The following LZTR1 variants were observed in gnomAD, a reference collection of about 807,000 sequenced individuals.
The protein encoded by LZTR1 is leucine zipper like post translational regulator 1, also known as leucine-zipper-like transcriptional regulator 1.
LZTR1 carries 260 observed loss-of-function variants against 105.7 expected under a neutral mutation model. The observed-to-expected ratio is 2.46, with a 90% CI of 2.22 to 2.72. The LOEUF is 2.72. Among genes scored for constraint, LZTR1 ranks in the 30% most tolerant of loss-of-function variants. LZTR1 has a pLI of 0.00. For synonymous variants in LZTR1, 490 were observed against 476.4 expected (o/e 1.03, Z -0.37); for missense variants, 1,214 against 1,166.9 (o/e 1.04, Z -0.59).
chr22:20,996,397 T>C, intron 18 of LZTR1: 2 of 593,714 alleles, frequency 3.4e-6, no homozygotes, highest in Non-Finnish European at 6.0e-6. Context: ...AGCACAGACA[T>C]GGAGGTACTC....
intron 7 of LZTR1, among the ~76,000 whole-genome samples, 161 bp downstream of exon 7, chr22:20,989,843 C>T (rs533696275): frequency 9.2e-5 from 14 of 152,202 alleles, no homozygotes; most frequent in Admixed American, 7.8e-4. Flanking sequence ...CTTTCTTCCC[C>T]TTGCAAAGCC....
At chr22:20,988,950 C>A in intron 6 of LZTR1, 78 bp downstream of exon 6, 1 of 1,317,142 alleles carries the variant, frequency 7.6e-7, no homozygotes, top group Non-Finnish European at 1.1e-6. Context: ...CATTTGAGGG[C>A]TTAGGCTGGG....
In LZTR1 at chr22:20,997,459, C is replaced by A; in HGVS notation, c.*111C>A. 3.5e-6 allele frequency: 3 copies of A among 860,178 alleles called. No individual in the cohort carries two copies. Among genetic ancestry groups the A allele is most frequent in the Non-Finnish European group, 5.7e-6 (3 of 525,682 alleles). 53.3% of individuals were successfully genotyped at this position (860,178 alleles called of 1,614,324 possible). ...ATGGCAGTGGGTGCACCTGCCAGGC[C>A]AAGGGTCAGGGTGCCCAGAGCCTCC... On this transcript the variant is annotated 3_prime_UTR_variant, in exon 21 of 21. Transcript: ENST00000646124.
At chr22:20,984,621 G>T (rs1229919132) in intron 2 of LZTR1, among the ~76,000 whole-genome samples, 2 of 150,548 alleles carry the variant, frequency 1.3e-5, no homozygotes, top group African/African-American at 4.9e-5. Flanking sequence ...GGAGGGGGGG[G>T]GGGCGGTATC....
At chr22:20,993,213 G>A in intron 11 of LZTR1, 1 of 441,236 alleles carries the variant, frequency 2.3e-6, no homozygotes, top group East Asian at 4.2e-5. Context: ...GCAGAGCCAG[G>A]GCCGACAGTG....
In LZTR1 at chr22:20,990,404, AT is replaced by A; in HGVS notation, c.671del (p.Ile224ThrfsTer28). ...CCTGCAGGTGGCCCAGAGTGGCGAG[AT>A]CCCCCCATCTTGCTGCAACTTCCCC... The part of the protein sequence containing the change: ...CWEEVAQSGE[I>X]PPSCCNFPVA... On this transcript the variant is annotated frameshift_variant, in exon 8 of 21. Coordinates refer to ENST00000646124, the MANE Select transcript of LZTR1 (RefSeq NM_006767.4). LOFTEE classifies it high-confidence loss of function. The A allele has an allele frequency of 6.2e-7, 1 of 1,614,050 alleles. No individual in the cohort carries two copies. Among genetic ancestry groups the A allele is most frequent in the Non-Finnish European group, 8.5e-7 (1 of 1,180,012 alleles).
rs1051446587 is a variant in LZTR1, at chr22:20,994,016, C to T, written c.1446C>T (p.Ala482=). The T allele has an allele frequency of 7.5e-6, 12 of 1,606,562 alleles. No individual in the cohort carries two copies. The highest frequency in any genetic ancestry group is 2.7e-5 in the African/African-American group (2 of 74,918). The change falls in exon 13 of 21, where the codon GCC becomes GCT. Residue 482 remains alanine (A), a synonymous_variant. Transcript: ENST00000646124. ...RKITQARERL[A]QKLEQEAAPV... is the part of the protein sequence containing the mutation. ...TCACGCAGGCGCGGGAGAGGCTGGC[C>T]CAGGTGAGGTGCCTAACCGCCCTGC...
At chr22:20,990,323 G>C (rs748467456) in intron 7 of LZTR1, 63 bp from the exon 8 acceptor site, 12 of 1,587,536 alleles carry the variant, frequency 7.6e-6, no homozygotes, top group Middle Eastern at 1.9e-4. Context: ...CAGCAGTCTC[G>C]AGTGTGGTGA....
intron 8 of LZTR1, chr22:20,991,267 C>T (rs1008144763): frequency 4.2e-6 from 1 of 237,634 alleles, no homozygotes; most frequent in African/African-American, 2.2e-5. Flanking sequence ...GATGCTCTGA[C>T]TGGGCAGCGT....
intron 4 of LZTR1, 104 bp from the exon 5 acceptor site, chr22:20,987,906 G>T: frequency 5.4e-6 from 4 of 747,412 alleles, no homozygotes; most frequent in Non-Finnish European, 9.4e-6. Context: ...AAGGAGTCCT[G>T]GCTTATGCAT....
intron 2 of LZTR1, among the ~76,000 whole-genome samples, chr22:20,983,936 A>G (rs910833934): frequency 5.9e-5 from 9 of 152,256 alleles, no homozygotes; most frequent in Admixed American, 5.9e-4. Context: ...TGCCTCTCTG[A>G]GTAAAAGCCC....
chr22:20,988,477 T>A (rs1295019044), intron 5 of LZTR1, among the ~76,000 whole-genome samples: 1 of 152,168 alleles, frequency 6.6e-6, no homozygotes, highest in Non-Finnish European at 1.5e-5. Flanking sequence ...CACAAAAAAA[T>A]GTTCAATAAG....
In LZTR1 at chr22:20,982,383, G is replaced by A. The variant is rs1486430273; in HGVS notation, c.12G>A (p.Pro4=). 2 of 1,555,190 alleles carry A rather than the reference G, an allele frequency of 1.3e-6. No homozygotes were observed. Among genetic ancestry groups the A allele is most frequent in the East Asian group, 2.4e-5 (1 of 41,526 alleles). Residue 4 remains proline (P), a synonymous_variant, in exon 1 of 21, where the codon CCG becomes CCA. Transcript: ENST00000646124. ...GGCGTGGACCCGGGATGGCTGGACCGGGCAGCACGGGGGGGCAGATCGGGG... is the reference window on the plus strand; with the variant it reads ...GGCGTGGACCCGGGATGGCTGGACCAGGCAGCACGGGGGGGCAGATCGGGG... MAG[P]GSTGGQIGAA...
chr22:20,994,844 T>A (rs1569157422), intron 15 of LZTR1, 26 bp from the exon 16 acceptor site: 4 of 1,612,160 alleles, frequency 2.5e-6, no homozygotes, highest in Non-Finnish European at 3.4e-6. Flanking sequence ...TGACTCTGCC[T>A]GCCTGCCTGT....
Position 20,982,391 on chromosome 22 carries a change from CG to C in LZTR1, c.27del (p.Gln10ArgfsTer15), listed in dbSNP as rs587777613. ...CCCGGGATGGCTGGACCGGGCAGCA[CG>C]GGGGGGCAGATCGGGGCTGCGGCCC... MAGPGS[T>X]GGQIGAAALA... On this transcript the variant is annotated frameshift_variant, in exon 1 of 21. Transcript: ENST00000646124. LOFTEE classifies it high-confidence loss of function. The C allele has an allele frequency of 3.1e-5, 48 of 1,558,284 alleles. No homozygotes were observed. Among genetic ancestry groups the C allele is most frequent in the South Asian group, 5.9e-5 (5 of 85,090 alleles).
intron 2 of LZTR1, among the ~76,000 whole-genome samples, chr22:20,983,356 C>T (rs1924269487): frequency 6.6e-6 from 1 of 152,214 alleles, no homozygotes. Context: ...GTAGATGCAG[C>T]CTTGAAAGAA....
rs371755085 is a variant in LZTR1 at position 20,996,141 on chromosome 22, G to T, written c.2219+29G>T. On this transcript the variant is annotated intron_variant, in intron 18 of 20. Coordinates refer to ENST00000646124, the MANE Select transcript of LZTR1 (RefSeq NM_006767.4). Reference sequence around the variant, plus strand: ...TCCTCACTCCCCAGTGAACTCCCAGGTCCCCACCAAGGGGTCCTGGCACCC... The same window carrying T: ...TCCTCACTCCCCAGTGAACTCCCAGTTCCCCACCAAGGGGTCCTGGCACCC... The T allele has an allele frequency of 1.7e-4, 274 of 1,606,070 alleles. No homozygotes were observed. In the African/African-American group the frequency reaches 2.9e-3, roughly 17 times the overall value.
intron 1 of LZTR1, among the ~76,000 whole-genome samples, chr22:20,982,781 G>A (rs1440791890): frequency 6.6e-6 from 1 of 152,212 alleles, no homozygotes. Context: ...CTGGAACTAA[G>A]TTGTGTTTGT....
Position 20,992,732 on chromosome 22 carries a change from C to T in LZTR1, c.1150-62C>T, listed in dbSNP as rs901868654. 21 of 1,119,550 alleles carry T rather than the reference C, an allele frequency of 1.9e-5. No homozygotes were observed. The African/African-American group carries it at 2.9e-4, about 16-fold the overall frequency. 69.4% of individuals were successfully genotyped at this position (1,119,550 alleles called of 1,614,324 possible). ...GCCGCATCCTTGCCTTACCTGGCTG[C>T]ACCAGCCGCACTGTGGAGGCTCTGC... On this transcript the variant is annotated intron_variant, in intron 10 of 20. Coordinates refer to ENST00000646124, the MANE Select transcript of LZTR1 (RefSeq NM_006767.4).
Sources: allele counts gnomAD v4.1 joint callset (sites outside exome capture counted in the v4.1 genomes callset), GRCh38; gene constraint gnomAD v4.1.1; transcripts MANE v1.5; gene names NCBI Gene and HGNC (gene_info 2026-07-23, HGNC 2026-07-21).